The following ALDH1A2 variants were observed in gnomAD, a reference collection of about 807,000 sequenced individuals.
ALDH1A2 encodes retinal dehydrogenase 2.
In ALDH1A2, 27 loss-of-function variants were observed where a neutral mutation model predicts 60.3. The observed-to-expected ratio is 0.45, with a 90% CI of 0.33 to 0.62. The LOEUF is 0.62. ALDH1A2 is among the 20% of genes least tolerant of loss of function. ALDH1A2 has a pLI of 0.02. For synonymous variants in ALDH1A2, 289 were observed against 232.4 expected, an observed-to-expected ratio of 1.24 and a Z score of -2.21; for missense variants, 581 against 643.8, an observed-to-expected ratio of 0.90 and a Z score of 1.06.
rs1893440246 is a variant in ALDH1A2 at position 57,954,191 on chromosome 15, A to G, written c.*1006T>C. 6.6e-6 allele frequency: 1 copy of G among 152,376 alleles called. No individual in the cohort carries two copies. Among genetic ancestry groups the G allele is most frequent in the Non-Finnish European group, 1.5e-5 (1 of 68,052 alleles). 9.4% of individuals were successfully genotyped at this position (152,376 alleles called of 1,614,324 possible). A position where few individuals can be genotyped will look rare whatever the true frequency, so the allele number is the denominator to read the frequency against. ...TAGATGTACAGTGTGACAGACCAAA[A>G]TCACACCTGCAGCAGTTATTGGTGT... On this transcript the variant is annotated 3_prime_UTR_variant, in exon 13 of 13. Transcript: ENST00000249750.
chr15:58,043,979 G>C (rs1896578955), intron 1 of ALDH1A2, among the ~76,000 whole-genome samples: 1 of 151,924 alleles, frequency 6.6e-6, no homozygotes, highest in Non-Finnish European at 1.5e-5. Context: ...CCAATGGCTT[G>C]ACCAAGGCCA....
intron 1 of ALDH1A2, among the ~76,000 whole-genome samples, chr15:58,032,970 T>C (rs1896283596): frequency 6.6e-6 from 1 of 151,970 alleles, no homozygotes; most frequent in African/African-American, 2.4e-5. Flanking sequence ...CTAAAAAATA[T>C]GAACACATAG....
At chr15:58,058,026 T>C (rs1464530118) in intron 1 of ALDH1A2, 19 of 1,513,404 alleles carry the variant, frequency 1.3e-5, no homozygotes, top group African/African-American at 4.1e-5. Context: ...TTCAGTTTTA[T>C]TGGGGATTTT....
At chr15:57,960,900 G>C in intron 11 of ALDH1A2, 56 bp from the exon 12 acceptor site, 1 of 1,505,916 alleles carries the variant, frequency 6.6e-7, no homozygotes, top group Non-Finnish European at 9.2e-7. Flanking sequence ...CACATAATCT[G>C]ACTGGCATGG....
rs562970741 is a variant in ALDH1A2, at chr15:57,960,654, A to G, written c.1484+116T>C. On this transcript the variant is annotated intron_variant, in intron 12 of 12. Transcript: ENST00000249750. ...AGCTTATAGTAGCATGTGCTCCACG[A>G]AATGTTTGTTGAATGTATGGATGAG... 4.6e-6 allele frequency: 4 copies of G among 875,812 alleles called. No homozygotes were observed. In the South Asian group the frequency reaches 5.7e-5, roughly 12 times the overall value. The allele number at this position is 875,812 out of a possible 1,614,324, so 54.3% of individuals were successfully genotyped here.
chr15:58,009,083 T>TC (rs1895548678), intron 4 of ALDH1A2, among the ~76,000 whole-genome samples: 1 of 152,082 alleles, frequency 6.6e-6, no homozygotes, highest in Non-Finnish European at 1.5e-5. Flanking sequence ...AAACTAACAT[T>TC]CCACATGTCA....
In ALDH1A2 at chr15:57,998,390, A is replaced by G. The variant is rs143984894; in HGVS notation, c.494-3251T>C. On this transcript the variant is annotated intron_variant, in intron 4 of 12. Transcript: ENST00000249750. ...GAATCAATGTGCAAAAATCACAACC[A>G]TTCCTATACACCAACAATAGACAAG... Among the ~76,000 whole-genome samples, 212 of 152,218 alleles carry G rather than the reference A, an allele frequency of 1.4e-3. 2 individuals are homozygous for G. The East Asian group carries it at 0.031, about 22-fold the overall frequency.
intron 4 of ALDH1A2, among the ~76,000 whole-genome samples, chr15:57,999,269 G>C (rs1895176488): frequency 6.6e-6 from 1 of 151,960 alleles, no homozygotes; most frequent in African/African-American, 2.4e-5. Flanking sequence ...CTACAGAATG[G>C]GAGAAATTTT....
intron 3 of ALDH1A2, among the ~76,000 whole-genome samples, chr15:58,012,610 C>G (rs1178171337): frequency 6.6e-6 from 1 of 152,122 alleles, no homozygotes. Flanking sequence ...TGAATAAACA[C>G]CTCATTGGAA....
At chr15:57,968,873 T>C (rs1566931863) in intron 7 of ALDH1A2, among the ~76,000 whole-genome samples, 1 of 152,226 alleles carries the variant, frequency 6.6e-6, no homozygotes, top group Non-Finnish European at 1.5e-5. Context: ...ATGGTAACTA[T>C]ACAAAAGTAA....
chr15:58,044,594 A>G (rs1163082328), intron 1 of ALDH1A2, among the ~76,000 whole-genome samples: 1 of 152,034 alleles, frequency 6.6e-6, no homozygotes, highest in African/African-American at 2.4e-5. Context: ...CTACTTAGAG[A>G]TGAGGTCCTG....
chr15:57,993,924 T>C (rs1032039228), intron 5 of ALDH1A2, among the ~76,000 whole-genome samples: 1 of 152,208 alleles, frequency 6.6e-6, no homozygotes, highest in African/African-American at 2.4e-5. Flanking sequence ...CTTGCAAAAA[T>C]ATACAAGTGT....
intron 4 of ALDH1A2, among the ~76,000 whole-genome samples, chr15:57,997,418 G>A (rs1409877640): frequency 3.3e-5 from 5 of 151,962 alleles, no homozygotes; most frequent in African/African-American, 1.2e-4. Flanking sequence ...GGTTCAGGTG[G>A]ATAGTCACAG....
chr15:57,981,906 C>A (rs1894528261), intron 7 of ALDH1A2, among the ~76,000 whole-genome samples: 1 of 152,188 alleles, frequency 6.6e-6, no homozygotes, highest in Non-Finnish European at 1.5e-5. Flanking sequence ...TCATTTCTTA[C>A]AGTTCGAGAG....
chr15:58,021,885 G>A (rs76670591), intron 1 of ALDH1A2, among the ~76,000 whole-genome samples: 10,344 of 152,300 alleles, frequency 0.068, 420 homozygotes, highest in Non-Finnish European at 0.099. Context: ...AATTGGTGGT[G>A]AGCTGGGCAG....
intron 1 of ALDH1A2, chr15:58,038,585 C>A (rs546194348): frequency 6.6e-6 from 1 of 151,896 alleles, no homozygotes; most frequent in East Asian, 1.9e-4. Flanking sequence ...AAACAACTAA[C>A]TGGTCTGATC....
intron 7 of ALDH1A2, among the ~76,000 whole-genome samples, chr15:57,976,347 T>A (rs928517044): frequency 6.6e-6 from 1 of 152,186 alleles, no homozygotes; most frequent in Non-Finnish European, 1.5e-5. Flanking sequence ...GGAGGTTTTT[T>A]ACATGTGCCA....
chr15:58,061,610 C>CAAAAAAA (rs1216992550), intron 1 of ALDH1A2, among the ~76,000 whole-genome samples: 3 of 100,330 alleles, frequency 3.0e-5, no homozygotes, highest in African/African-American at 6.9e-5. Flanking sequence ...AAAAAAAAAA[C>CAAAAAAA]AAAAAAAAAA....
intron 4 of ALDH1A2, among the ~76,000 whole-genome samples, chr15:58,009,678 C>A (rs1468068996): frequency 2.0e-5 from 3 of 151,830 alleles, no homozygotes; most frequent in Middle Eastern, 3.4e-3. Context: ...ATAAGGATAT[C>A]TCTTCCTCCT....
Sources: allele counts gnomAD v4.1 joint callset (sites outside exome capture counted in the v4.1 genomes callset), GRCh38; gene constraint gnomAD v4.1.1; transcripts MANE v1.5; gene names NCBI Gene and HGNC (gene_info 2026-07-23, HGNC 2026-07-21).